The following TMC5 variants were observed in gnomAD, a reference collection of about 807,000 sequenced individuals.
TMC5 encodes transmembrane channel like 5.
A neutral mutation model predicts 110.5 loss-of-function variants in TMC5; 86 were observed. The observed-to-expected ratio is 0.78, with a 90% CI of 0.65 to 0.93. The LOEUF is 0.93. TMC5 is among the 40% of genes least tolerant of loss of function. The pLI is 0.00. For missense variants in TMC5, 1,144 were observed against 1,222.8 expected (o/e 0.94, Z 0.96); for synonymous variants, 455 against 439.5 (o/e 1.04, Z -0.44).
intron 8 of TMC5, 39 bp from the exon 9 acceptor site, chr16:19,466,043 A>T: frequency 6.3e-7 from 1 of 1,597,666 alleles, no homozygotes; most frequent in Non-Finnish European, 8.5e-7. Flanking sequence ...CTTTTTTTTC[A>T]GGAGATCCAC....
chr16:19,429,945 G>A (rs574703111), intron 1 of TMC5, among the ~76,000 whole-genome samples: 5 of 152,014 alleles, frequency 3.3e-5, no homozygotes, highest in South Asian at 4.2e-4. Context: ...TACCTCCACC[G>A]AGATCCTACT....
intron 2 of TMC5, among the ~76,000 whole-genome samples, chr16:19,434,063 CTA>C (rs1341109737): frequency 4.0e-4 from 3 of 7,440 alleles, no homozygotes; most frequent in African/African-American, 2.2e-3. Context: ...TAATATAAAT[CTA>C]TATATATTAT....
chr16:19,467,157 GAGAA>G lies in TMC5; in HGVS notation c.1637+934_1637+937del, dbSNP rs200770686. On this transcript the variant is annotated intron_variant, in intron 9 of 21. Coordinates refer to ENST00000542583, the MANE Select transcript of TMC5 (RefSeq NM_001261841.2). The stretch of plus-strand genomic sequence containing the variant: ...GATCCTGTTTCAAAAAAAAAAGAGA[GAGAA>G]AGAAAGAAAAGCAACATGCAATCTC... 5.7e-3 allele frequency among the ~76,000 whole-genome samples: 865 copies of G among 152,076 alleles called. 8 individuals carry two copies. Among genetic ancestry groups the G allele is most frequent in the African/African-American group, 0.019 (800 of 41,484 alleles).
At chr16:19,428,734 C>T (rs547766874) in intron 1 of TMC5, among the ~76,000 whole-genome samples, 1 of 152,272 alleles carries the variant, frequency 6.6e-6, no homozygotes, top group African/African-American at 2.4e-5. Context: ...ATCTTGAAAA[C>T]TTAGTAAATT....
intron 8 of TMC5, among the ~76,000 whole-genome samples, chr16:19,464,434 C>T (rs1001240110): frequency 3.3e-5 from 5 of 152,112 alleles, no homozygotes; most frequent in African/African-American, 1.2e-4. Context: ...AATCATCAAT[C>T]AATCAATCAA....
intron 5 of TMC5, among the ~76,000 whole-genome samples, chr16:19,459,316 TGG>T (rs1289661173): frequency 2.0e-5 from 3 of 152,208 alleles, no homozygotes; most frequent in South Asian, 4.1e-4. Context: ...GAAATGAATT[TGG>T]GGTAGACAAT....
At chr16:19,445,681 A>G (rs1352491897) in intron 4 of TMC5, among the ~76,000 whole-genome samples, 1 of 152,128 alleles carries the variant, frequency 6.6e-6, no homozygotes, top group African/African-American at 2.4e-5. Flanking sequence ...TGTTCAGCCA[A>G]TAAGAAGAGA....
intron 13 of TMC5, 69 bp from the exon 14 acceptor site, chr16:19,479,362 C>A: frequency 1.7e-6 from 2 of 1,176,598 alleles, no homozygotes; most frequent in Non-Finnish European, 2.6e-6. Context: ...TACATAGAGC[C>A]AGGAACAGAG....
At chr16:19,495,664 G>A (rs1448087594) in intron 20 of TMC5, among the ~76,000 whole-genome samples, 2 of 151,942 alleles carry the variant, frequency 1.3e-5, no homozygotes, top group African/African-American at 2.4e-5. Flanking sequence ...CCAACATAGC[G>A]AGACCCCATC....
chr16:19,476,046 A>G (rs1347618241), intron 12 of TMC5, among the ~76,000 whole-genome samples: 2 of 152,068 alleles, frequency 1.3e-5, no homozygotes, highest in African/African-American at 4.8e-5. Flanking sequence ...ATTATATCCA[A>G]TTCATATTAT....
chr16:19,478,931 A>G (rs1968550951), intron 13 of TMC5, among the ~76,000 whole-genome samples: 1 of 152,210 alleles, frequency 6.6e-6, no homozygotes, highest in Non-Finnish European at 1.5e-5. Flanking sequence ...AGAAGTTCCT[A>G]GCCACTAGTT....
chr16:19,445,068 G>A (rs1967582660), intron 4 of TMC5, among the ~76,000 whole-genome samples: 1 of 152,164 alleles, frequency 6.6e-6, no homozygotes, highest in African/African-American at 2.4e-5. Flanking sequence ...GGCGGAGGTT[G>A]CAGTGAGCCA....
intron 2 of TMC5, among the ~76,000 whole-genome samples, chr16:19,434,415 CTA>C (rs1967291343): frequency 7.9e-6 from 1 of 126,362 alleles, no homozygotes; most frequent in Non-Finnish European, 1.6e-5. Flanking sequence ...TCATATATAT[CTA>C]TATATAATAT....
intron 5 of TMC5, 24 bp from the exon 6 acceptor site, chr16:19,460,211 A>AATGG: frequency 2.6e-6 from 4 of 1,564,310 alleles, no homozygotes; most frequent in South Asian, 1.1e-5. Flanking sequence ...AAAAGAAATT[A>AATGG]AATTCCATTA....
intron 2 of TMC5, among the ~76,000 whole-genome samples, chr16:19,431,120 T>C (rs768721905): frequency 2.0e-5 from 3 of 152,210 alleles, no homozygotes; most frequent in Non-Finnish European, 4.4e-5. Flanking sequence ...TAATTTTAAC[T>C]GTGGGTCTTA....
chr16:19,464,669 C>T (rs534086256), intron 8 of TMC5, among the ~76,000 whole-genome samples: 1 of 151,854 alleles, frequency 6.6e-6, no homozygotes, highest in East Asian at 1.9e-4. Flanking sequence ...ATGTGGTGGG[C>T]ATTTTCTTGT....
intron 6 of TMC5, among the ~76,000 whole-genome samples, chr16:19,463,009 A>C (rs1968066805): frequency 6.6e-6 from 1 of 152,100 alleles, no homozygotes; most frequent in Non-Finnish European, 1.5e-5. Context: ...TTTTGGGCCC[A>C]AGTAATCCCC....
chr16:19,425,101 C>A (rs1343970859), intron 1 of TMC5, among the ~76,000 whole-genome samples: 2 of 152,156 alleles, frequency 1.3e-5, no homozygotes, highest in African/African-American at 4.8e-5. Context: ...CTAAGAAATT[C>A]CAACGTTTTA....
chr16:19,493,766 G>A (rs1385787559), intron 19 of TMC5, among the ~76,000 whole-genome samples: 1 of 151,898 alleles, frequency 6.6e-6, no homozygotes, highest in African/African-American at 2.4e-5. Context: ...CAGCCAATAT[G>A]CCTAACTTTC....
Sources: gnomAD v4.1 joint callset for allele counts (sites outside exome capture counted in the v4.1 genomes callset) on GRCh38, gnomAD v4.1.1 for gene constraint, MANE v1.5 for transcripts, NCBI Gene and HGNC (gene_info 2026-07-23, HGNC 2026-07-21) for gene names.